The following SLIRP variants were observed in gnomAD, a reference collection of about 807,000 sequenced individuals.
SLIRP encodes the protein SRA stem-loop-interacting RNA-binding protein, mitochondrial.
In SLIRP, 12 loss-of-function variants were observed where a neutral mutation model predicts 13.4. The observed-to-expected ratio is 0.89, with a 90% CI of 0.57 to 1.45. SLIRP has a LOEUF of 1.45. Among genes scored for constraint, SLIRP ranks in the 40% most tolerant of loss-of-function variants. The pLI, the probability that SLIRP is intolerant of heterozygous loss-of-function variation, is 0.00. For synonymous variants in SLIRP, 55 were observed against 47.1 expected (o/e 1.17, Z -0.69); for missense variants, 154 against 132.2 (o/e 1.17, Z -0.81).
chr14:77,713,975 A>T (rs966837927), intron 2 of SLIRP, among the ~76,000 whole-genome samples: 1 of 151,634 alleles, frequency 6.6e-6, no homozygotes, highest in African/African-American at 2.4e-5. Context: ...GACAAAAAAA[A>T]TATTTTTTTG....
At chr14:77,717,431 G>T in intron 3 of SLIRP, 65 bp from the exon 4 acceptor site, 1 of 1,376,032 alleles carries the variant, frequency 7.3e-7, no homozygotes, top group Admixed American at 1.8e-5. Context: ...CTAATAAAGT[G>T]ATTTTCAGTT....
chr14:77,710,177 G>T (rs1369841101), intron 1 of SLIRP, among the ~76,000 whole-genome samples: 1 of 152,144 alleles, frequency 6.6e-6, no homozygotes, highest in Non-Finnish European at 1.5e-5. Flanking sequence ...CACAGGGCTG[G>T]TACATTGTCT....
chr14:77,715,114 C>T (rs1272255483), intron 2 of SLIRP, among the ~76,000 whole-genome samples: 1 of 151,978 alleles, frequency 6.6e-6, no homozygotes, highest in Non-Finnish European at 1.5e-5. Context: ...TGCAACAAGG[C>T]TTTGAGGCTT....
At chr14:77,714,751 C>T (rs904262275) in intron 2 of SLIRP, among the ~76,000 whole-genome samples, 7 of 152,180 alleles carry the variant, frequency 4.6e-5, no homozygotes, top group African/African-American at 1.7e-4. Context: ...ATAAAGTTAT[C>T]CTTGAAGTAG....
intron 1 of SLIRP, among the ~76,000 whole-genome samples, 199 bp downstream of exon 1, chr14:77,708,407 C>G (rs1016112593): frequency 2.7e-4 from 41 of 152,216 alleles, no homozygotes; most frequent in Non-Finnish European, 1.0e-4. Flanking sequence ...CACGAATGCA[C>G]CGGCTCTTGC....
At chr14:77,709,991 A>G (rs562797921) in intron 1 of SLIRP, among the ~76,000 whole-genome samples, 33 of 152,204 alleles carry the variant, frequency 2.2e-4, no homozygotes, top group Non-Finnish European at 3.8e-4. Context: ...GTGGGGATGA[A>G]GAGACTTAGA....
At position 77,717,541 on chromosome 14, in the gene SLIRP, G is replaced by A. The variant is rs370321924; in HGVS notation, c.310G>A (p.Asp104Asn). Residue 104 changes from aspartate (D) to asparagine (N), a missense_variant, in exon 4 of 4, where the codon GAT (aspartate) becomes AAT (asparagine). Coordinates refer to ENST00000557342, the MANE Select transcript of SLIRP (RefSeq NM_031210.6). ...RRPKLPQTSD[D>N]EKKDF ...GCCAAAACTTCCGCAAACATCTGAT[G>A]ATGAAAAGAAAGATTTTTGAGACTG... 65 of 1,613,864 alleles carry A rather than the reference G, an allele frequency of 4.0e-5. No individual in the cohort carries two copies. Among genetic ancestry groups the A allele is most frequent in the Non-Finnish European group, 5.2e-5 (61 of 1,179,938 alleles).
chr14:77,715,117 T>A (rs572146725), intron 2 of SLIRP, among the ~76,000 whole-genome samples: 128 of 152,274 alleles, frequency 8.4e-4, no homozygotes, highest in Middle Eastern at 3.4e-3. Flanking sequence ...AACAAGGCTT[T>A]GAGGCTTAAT....
At position 77,708,281 on chromosome 14, in the gene SLIRP, G is replaced by T. The variant is rs2080411888; in HGVS notation, c.97+73G>T. 9.5e-6 allele frequency: 14 copies of T among 1,476,256 alleles called. 1 individual carries two copies. In the South Asian group the frequency reaches 1.6e-4, roughly 17 times the overall value. 91.4% of individuals were successfully genotyped at this position (1,476,256 alleles called of 1,614,324 possible). ...TCCTCAAAGCTTCTGCTTTTTGCAG[G>T]GTACTTAAGTCAGCGTGGTGGCTGA... On this transcript the variant is annotated intron_variant, in intron 1 of 3. Coordinates refer to ENST00000557342, the MANE Select transcript of SLIRP (RefSeq NM_031210.6).
At chr14:77,712,346 T>G (rs1260230382) in intron 2 of SLIRP, among the ~76,000 whole-genome samples, 1 of 151,496 alleles carries the variant, frequency 6.6e-6, no homozygotes. Context: ...CAGTCTCAGC[T>G]TACTGCAACC....
rs773728355 is a variant in SLIRP, at chr14:77,717,484, T to C, written c.265-12T>C. On this transcript the variant is annotated splice_polypyrimidine_tract_variant and intron_variant, in intron 3 of 3. Transcript: ENST00000557342. Reference sequence around the variant, plus strand: ...ATTGCCTTTCCTCCCTTACAGTGCTTATTTTTTTAAGGTCCAGGTTCACAC... The same window carrying C: ...ATTGCCTTTCCTCCCTTACAGTGCTCATTTTTTTAAGGTCCAGGTTCACAC... The C allele has an allele frequency of 1.2e-6, 2 of 1,611,532 alleles. No homozygotes were observed. Among genetic ancestry groups the C allele is most frequent in the South Asian group, 2.2e-5 (2 of 90,350 alleles).
intron 3 of SLIRP, among the ~76,000 whole-genome samples, chr14:77,716,786 A>T (rs1460602514): frequency 6.6e-6 from 1 of 151,676 alleles, no homozygotes; most frequent in African/African-American, 2.4e-5. Context: ...TCTTTTTGAG[A>T]GTCTTGCTCT....
At chr14:77,710,703 C>G in intron 1 of SLIRP, 135 bp from the exon 2 acceptor site, 1 of 1,571,494 alleles carries the variant, frequency 6.4e-7, no homozygotes. Flanking sequence ...ATAGCTGCTT[C>G]CTAAATCTTA....
intron 2 of SLIRP, among the ~76,000 whole-genome samples, chr14:77,714,046 TCA>T (rs1268208801): frequency 6.6e-6 from 1 of 152,102 alleles, no homozygotes; most frequent in Non-Finnish European, 1.5e-5. Context: ...GTTCTCTCTC[TCA>T]CTCAGGCTGG....
At chr14:77,710,530 T>C (rs1421213550) in intron 1 of SLIRP, 2 of 1,333,802 alleles carry the variant, frequency 1.5e-6, no homozygotes, top group Non-Finnish European at 2.0e-6. Context: ...AATTTGTCTT[T>C]TTCTTCATTG....
chr14:77,713,462 ATTAG>A (rs2080455568), intron 2 of SLIRP, among the ~76,000 whole-genome samples: 1 of 152,226 alleles, frequency 6.6e-6, no homozygotes, highest in Non-Finnish European at 1.5e-5. Flanking sequence ...AGACTAACAG[ATTAG>A]TTATATATAG....
chr14:77,709,777 G>T (rs1230315141), intron 1 of SLIRP, among the ~76,000 whole-genome samples: 1 of 152,008 alleles, frequency 6.6e-6, no homozygotes, highest in Non-Finnish European at 1.5e-5. Context: ...ACATTATTTT[G>T]TTCTCCAGTA....
At chr14:77,711,205 TTA>T (rs924074350) in intron 2 of SLIRP, among the ~76,000 whole-genome samples, 4 of 145,084 alleles carry the variant, frequency 2.8e-5, no homozygotes, top group African/African-American at 1.0e-4. Context: ...ATATACATAT[TTA>T]TATATATAAA....
chr14:77,716,337 A>G (rs1325423956), intron 3 of SLIRP: 2 of 144,794 alleles, frequency 1.4e-5, no homozygotes, highest in Non-Finnish European at 3.0e-5. Flanking sequence ...AAACAAAACA[A>G]CAACAAAAAA....
Sources: allele counts gnomAD v4.1 joint callset (sites outside exome capture counted in the v4.1 genomes callset), GRCh38; gene constraint gnomAD v4.1.1; transcripts MANE v1.5; gene names NCBI Gene and HGNC (gene_info 2026-07-23, HGNC 2026-07-21).